SLC6A16: variants seen among roughly 807,000 people sequenced by gnomAD.
SLC6A16 encodes the protein orphan sodium- and chloride-dependent neurotransmitter transporter NTT5.
In SLC6A16, 54 loss-of-function variants were observed where a neutral mutation model predicts 65.4. That is an observed-to-expected ratio of 0.83 (90% CI 0.66 to 1.04). The LOEUF is 1.04. SLC6A16 is among the 50% of genes least tolerant of loss of function. The probability of loss-of-function intolerance (pLI) is 0.00; values close to 1 mark genes in which losing one functional copy is unlikely to be tolerated. For synonymous variants in SLC6A16, 330 were observed against 346.5 expected (o/e 0.95, Z 0.53); for missense variants, 816 against 914.0 (o/e 0.89, Z 1.38).
intron 1 of SLC6A16, among the ~76,000 whole-genome samples, chr19:49,322,163 T>G (rs188507200): frequency 6.6e-6 from 1 of 152,146 alleles, no homozygotes; most frequent in Non-Finnish European, 1.5e-5. Flanking sequence ...ATCTTATACG[T>G]AGAAAATCCT....
the SLC6A16 span, chr19:49,339,377 C>T: frequency 3.7e-6 from 6 of 1,614,088 alleles, no homozygotes; most frequent in Non-Finnish European, 5.1e-6. This position sits in a 1 kb window ranked among gnomAD's most constrained non-coding sequence, Gnocchi z 4.5. Context: ...ACCTTATTTC[C>T]ATAGTGGGCA....
At chr19:49,338,139 A>C in the SLC6A16 span, 1 of 1,479,970 alleles carries the variant, frequency 6.8e-7, no homozygotes, top group African/African-American at 1.4e-5. This position sits in a 1 kb window ranked among gnomAD's most constrained non-coding sequence, Gnocchi z 5.0. Context: ...ATCCTAACAC[A>C]CCCCAATCCC....
At chr19:49,312,975 C>G (rs907266986) in intron 1 of SLC6A16, among the ~76,000 whole-genome samples, 8 of 149,688 alleles carry the variant, frequency 5.3e-5, no homozygotes, top group African/African-American at 2.0e-4. Flanking sequence ...CTGAGCTACT[C>G]AGGAGGCTGA....
chr19:49,310,099 G>A lies in SLC6A16; in HGVS notation c.641C>T (p.Ser214Phe). 5 of 1,614,112 alleles carry A rather than the reference G, an allele frequency of 3.1e-6. No individual in the cohort carries two copies. Among genetic ancestry groups the A allele is most frequent in the Non-Finnish European group, 4.2e-6 (5 of 1,180,032 alleles). ...NSWIIFYMSQ[S>F]FQFPVPWEKC... Reference sequence around the variant, plus strand: ...CTCCCATGGAACGGGAAACTGGAAGGACTGGCTCATGTAGAAGATGATCCA... The same window carrying A: ...CTCCCATGGAACGGGAAACTGGAAGAACTGGCTCATGTAGAAGATGATCCA... The change falls in exon 4 of 12, where the codon TCC becomes TTC. Residue 214 changes from serine to phenylalanine, a missense_variant. By Grantham distance (155) the Ser-to-Phe change is radical. Transcript: ENST00000335875.
upstream of SLC6A16, among the ~76,000 whole-genome samples, chr19:49,325,719 A>G (rs930327422): frequency 3.3e-5 from 5 of 152,228 alleles, no homozygotes; most frequent in Admixed American, 6.5e-5. Flanking sequence ...AAGGACTCCA[A>G]TAATTTATGA....
chr19:49,298,730 G>A (rs746511300), intron 7 of SLC6A16, among the ~76,000 whole-genome samples: 2 of 152,040 alleles, frequency 1.3e-5, no homozygotes, highest in African/African-American at 2.4e-5. Flanking sequence ...AAAATAAATC[G>A]TTCTACCAAA....
chr19:49,327,210 G>C (rs1970808365), upstream of SLC6A16, among the ~76,000 whole-genome samples: 1 of 151,956 alleles, frequency 6.6e-6, no homozygotes, highest in Non-Finnish European at 1.5e-5. Context: ...GAGTAGCTGG[G>C]GTTGCAGGTG....
rs1477829944 is a variant in SLC6A16, at chr19:49,311,124, A to G, written c.224T>C (p.Leu75Ser). 6.2e-7 allele frequency: 1 copy of G among 1,614,164 alleles called. No individual in the cohort carries two copies. Among genetic ancestry groups the G allele is most frequent in the Non-Finnish European group, 8.5e-7 (1 of 1,180,030 alleles). Reference protein sequence around the residue: ...QPKQISVLEALTASALNQKPT... With the variant: ...QPKQISVLEASTASALNQKPT... ...TTTCTGGTTCAGGGCTGAGGCAGTT[A>G]ACGCCTCCAATACAGAAATTTGCTT... The change falls in exon 2 of 12, where the codon TTA (leucine) becomes TCA (serine). Residue 75 changes from leucine (L) to serine (S), a missense_variant. By Grantham distance (145) the Leu-to-Ser change is moderately radical. Coordinates refer to ENST00000335875, the MANE Select transcript of SLC6A16 (RefSeq NM_014037.3).
At position 49,289,652 on chromosome 19, in the gene SLC6A16, T is replaced by A. The variant is rs918824948; in HGVS notation, c.*471A>T. On this transcript the variant is annotated 3_prime_UTR_variant, in exon 12 of 12. Transcript: ENST00000335875. ...ACCTCTTTTTGTTCCCAGTTTCAGGTATGTCTTTATTAGCAGTGTGAAAAT... is the reference window on the plus strand; with the variant it reads ...ACCTCTTTTTGTTCCCAGTTTCAGGAATGTCTTTATTAGCAGTGTGAAAAT... 5.9e-6 allele frequency: 1 copy of A among 168,796 alleles called. No individual in the cohort carries two copies. Among genetic ancestry groups the A allele is most frequent in the African/African-American group, 2.4e-5 (1 of 41,726 alleles). The allele number at this position is 168,796 out of a possible 1,614,324, so 10.5% of individuals were successfully genotyped here.
At chr19:49,299,341 G>A (rs759664142) in intron 7 of SLC6A16, among the ~76,000 whole-genome samples, 183 of 151,694 alleles carry the variant, frequency 1.2e-3, no homozygotes, top group Non-Finnish European at 8.4e-4. Flanking sequence ...ATCACTTGAT[G>A]TCAGGAATTC....
chr19:49,337,708 AAG>A, the SLC6A16 span: 1 of 1,533,486 alleles, frequency 6.5e-7, no homozygotes, highest in Non-Finnish European at 8.7e-7. Flanking sequence ...GAACAAGAGA[AAG>A]AAATAGACGC....
At chr19:49,308,763 G>T in intron 7 of SLC6A16, 113 bp downstream of exon 7, 1 of 1,325,972 alleles carries the variant, frequency 7.5e-7, no homozygotes, top group Non-Finnish European at 1.0e-6. Flanking sequence ...GCTTGCAAGT[G>T]CACCCAAGGT....
chr19:49,293,187 C>A, intron 10 of SLC6A16, 36 bp downstream of exon 10: 1 of 1,611,420 alleles, frequency 6.2e-7, no homozygotes, highest in South Asian at 1.1e-5. Flanking sequence ...TCCCTATAGT[C>A]CCATGCTTTG....
In SLC6A16 at chr19:49,309,793, T is replaced by A; in HGVS notation, c.734A>T (p.Tyr245Phe). 1 of 1,613,764 alleles carries A rather than the reference T, an allele frequency of 6.2e-7. No homozygotes were observed. The highest frequency in any genetic ancestry group is 8.5e-7 in the Non-Finnish European group (1 of 1,179,746). The change falls in exon 5 of 12, where the codon TAC (tyrosine) becomes TTC (phenylalanine). Residue 245 changes from tyrosine to phenylalanine, a missense_variant. Physicochemically the swap from Tyr to Phe is conservative, Grantham distance 22. Coordinates refer to ENST00000335875, the MANE Select transcript of SLC6A16 (RefSeq NM_014037.3). ...CTTCAAGGCCTGCTGGTACCAGAAG[T>A]ATATGGAGGGTGTTGTCCGTTCACA... is the stretch of plus-strand genomic sequence containing the variant. ...PECERTTPSI[Y>F]FWYQQALKAS...
At chr19:49,332,444 A>G in the SLC6A16 span, 2 of 368,476 alleles carry the variant, frequency 5.4e-6, no homozygotes, top group South Asian at 4.1e-5. Flanking sequence ...CTGTAATCAC[A>G]TTTACTCGGG....
At chr19:49,330,450 G>C in the SLC6A16 span, among the ~76,000 whole-genome samples, 1 of 152,086 alleles carries the variant, frequency 6.6e-6, no homozygotes, top group Non-Finnish European at 1.5e-5. Context: ...TAGCTAGAAA[G>C]GGCTAGGACT....
upstream of SLC6A16, among the ~76,000 whole-genome samples, chr19:49,328,825 A>G (rs1201971317): frequency 6.6e-6 from 1 of 152,200 alleles, no homozygotes; most frequent in Non-Finnish European, 1.5e-5. Flanking sequence ...GATTTCTGTA[A>G]AGGAAGCCAG....
chr19:49,320,679 C>T (rs1353229940), intron 1 of SLC6A16, among the ~76,000 whole-genome samples: 2 of 151,964 alleles, frequency 1.3e-5, no homozygotes, highest in East Asian at 3.9e-4. Context: ...AAAATGGGGA[C>T]ATTATTACCA....
At position 49,310,418 on chromosome 19, in the gene SLC6A16, C is replaced by T. The variant is rs1970495609; in HGVS notation, c.508G>A (p.Gly170Ser). The stretch of plus-strand genomic sequence containing the variant: ...ATGATCTTCCATACACCCATGCCAC[C>T]CTGACGCATGCTCTGACCAGCTGCC... ...EMAAGQSMRQ[G>S]GMGVWKIIAP... The change falls in exon 3 of 12, where the codon GGT (glycine) becomes AGT (serine). Residue 170 changes from glycine (G) to serine (S), a missense_variant. By Grantham distance (56) the Gly-to-Ser change is moderately conservative. Transcript: ENST00000335875. 1.9e-6 allele frequency: 3 copies of T among 1,614,000 alleles called. No individual in the cohort carries two copies. The Admixed American group carries it at 5.0e-5, about 27-fold the overall frequency.
Sources: allele counts gnomAD v4.1 joint callset (sites outside exome capture counted in the v4.1 genomes callset), GRCh38; gene constraint gnomAD v4.1.1; non-coding constraint Gnocchi (gnomAD v3.1); transcripts MANE v1.5; gene names NCBI Gene and HGNC (gene_info 2026-07-23, HGNC 2026-07-21).